The following SMTNL2 variants were observed in gnomAD, a reference collection of about 807,000 sequenced individuals.
SMTNL2 encodes smoothelin like 2, also known as smoothelin-like protein 2.
A neutral mutation model predicts 44.1 loss-of-function variants in SMTNL2; 43 were observed. The ratio of observed to expected loss-of-function variants is 0.98; its 90% CI spans 0.76 to 1.26. The LOEUF (loss-of-function observed/expected upper bound fraction) is 1.26, where lower values mean the gene tolerates loss of function less well. Among genes scored for constraint, SMTNL2 ranks in the 50% most tolerant of loss-of-function variants. SMTNL2 has a pLI of 0.00. For synonymous variants in SMTNL2, 317 were observed against 287.6 expected, an observed-to-expected ratio of 1.10 and a Z score of -1.03; for missense variants, 646 against 670.2, an observed-to-expected ratio of 0.96 and a Z score of 0.40.
chr17:4,593,726 G>C, intron 3 of SMTNL2, 96 bp from the exon 4 acceptor site: 1 of 1,245,222 alleles, frequency 8.0e-7, no homozygotes, highest in Non-Finnish European at 1.2e-6. Context: ...CAGCGATGCC[G>C]GGTAAATGAG....
In SMTNL2 at chr17:4,607,632, T is replaced by C; in HGVS notation, c.*145T>C. ...CTGTGGCATGTGACGGCACTCCCCTTCGAGCCCAGCTGTGTTACTGATTAA... is the reference window on the plus strand; with the variant it reads ...CTGTGGCATGTGACGGCACTCCCCTCCGAGCCCAGCTGTGTTACTGATTAA... On this transcript the variant is annotated 3_prime_UTR_variant, in exon 8 of 8. Coordinates refer to ENST00000389313, the MANE Select transcript of SMTNL2 (RefSeq NM_001114974.2). The surrounding 1 kb of genome is among the most constrained non-coding windows in gnomAD (Gnocchi z 4.7). 7.7e-7 allele frequency: 1 copy of C among 1,297,904 alleles called. No individual in the cohort carries two copies. The highest frequency in any genetic ancestry group is 1.1e-6 in the Non-Finnish European group (1 of 951,042). The allele number at this position is 1,297,904 out of a possible 1,614,324, so 80.4% of individuals were successfully genotyped here.
chr17:4,604,091 C>A (rs1268774833), intron 7 of SMTNL2, among the ~76,000 whole-genome samples: 3 of 152,108 alleles, frequency 2.0e-5, no homozygotes, highest in Non-Finnish European at 4.4e-5. Flanking sequence ...ATGATCTGCC[C>A]ACCTCAGCCT....
intron 7 of SMTNL2, among the ~76,000 whole-genome samples, chr17:4,603,989 CAT>C: frequency 6.6e-6 from 1 of 151,688 alleles, no homozygotes; most frequent in Non-Finnish European, 1.5e-5. Context: ...GGACTGCAGG[CAT>C]ACGCCACCAC....
intron 7 of SMTNL2, among the ~76,000 whole-genome samples, chr17:4,597,548 C>T (rs939581050): frequency 6.6e-6 from 1 of 152,128 alleles, no homozygotes; most frequent in Non-Finnish European, 1.5e-5. Context: ...AGGGGGACTC[C>T]GTTCCTGGGG....
intron 1 of SMTNL2, among the ~76,000 whole-genome samples, chr17:4,589,779 G>A (rs962711007): frequency 2.0e-5 from 3 of 151,602 alleles, no homozygotes; most frequent in Non-Finnish European, 4.4e-5. Context: ...ATTTCTCTGG[G>A]ACCCCTCTGC....
chr17:4,587,153 G>C (rs563872534), intron 1 of SMTNL2, among the ~76,000 whole-genome samples: 1 of 152,306 alleles, frequency 6.6e-6, no homozygotes, highest in East Asian at 1.9e-4. Flanking sequence ...GTGAAGATGC[G>C]TCGGCCTGTT....
intron 1 of SMTNL2, among the ~76,000 whole-genome samples, chr17:4,590,168 C>T (rs1164547780): frequency 2.0e-5 from 3 of 151,728 alleles, no homozygotes; most frequent in Non-Finnish European, 2.9e-5. Context: ...GGTTTCACCA[C>T]GTTGGCCAGG....
In SMTNL2 at chr17:4,607,497, G is replaced by A; in HGVS notation, c.*10G>A. ...GCGTCGCTTCGAGTAAAGCCCCTGA[G>A]CCTGGATTGCCAAAGAGCAGCCCCA... is the stretch of plus-strand genomic sequence containing the variant. On this transcript the variant is annotated 3_prime_UTR_variant, in exon 8 of 8. Coordinates refer to ENST00000389313, the MANE Select transcript of SMTNL2 (RefSeq NM_001114974.2). This position sits in a 1 kb window ranked among gnomAD's most constrained non-coding sequence, Gnocchi z 4.7. 6.2e-7 allele frequency: 1 copy of A among 1,613,372 alleles called. No homozygotes were observed. Among genetic ancestry groups the A allele is most frequent in the Non-Finnish European group, 8.5e-7 (1 of 1,179,406 alleles).
chr17:4,584,600 T>C lies in SMTNL2; in HGVS notation c.-6T>C. The C allele has an allele frequency of 8.1e-7, 1 of 1,233,934 alleles. No individual in the cohort carries two copies. The highest frequency in any genetic ancestry group is 3.5e-5 in the South Asian group (1 of 28,350). 76.4% of individuals were successfully genotyped at this position (1,233,934 alleles called of 1,614,324 possible). ...CCCGCTCTCGACCCGCGCGCTCTGC[T>C]GGGCCATGGAGCCGGCCCCCGACGC... On this transcript the variant is annotated 5_prime_UTR_variant, in exon 1 of 8. Transcript: ENST00000389313.
chr17:4,601,377 T>C (rs78490702), intron 7 of SMTNL2, among the ~76,000 whole-genome samples: 3,868 of 151,086 alleles, frequency 0.026, 153 homozygotes, highest in African/African-American at 0.089. Flanking sequence ...ATGGTGCCAC[T>C]GCACTCCAGC....
At chr17:4,605,452 T>A (rs1910232541) in intron 7 of SMTNL2, among the ~76,000 whole-genome samples, 1 of 152,120 alleles carries the variant, frequency 6.6e-6, no homozygotes, top group African/African-American at 2.4e-5. Context: ...TGAGCCACTG[T>A]GCCCGGCCTC....
intron 7 of SMTNL2, 48 bp downstream of exon 7, chr17:4,597,371 A>G: frequency 1.3e-6 from 2 of 1,595,782 alleles, no homozygotes; most frequent in Non-Finnish European, 1.7e-6. Flanking sequence ...CCAGTCCCTG[A>G]GCCCAACTTC....
At chr17:4,599,877 G>A (rs1386878223) in intron 7 of SMTNL2, among the ~76,000 whole-genome samples, 1 of 152,228 alleles carries the variant, frequency 6.6e-6, no homozygotes, top group Admixed American at 6.5e-5. Flanking sequence ...CTGCCTTCCC[G>A]GAGCACACAG....
intron 7 of SMTNL2, among the ~76,000 whole-genome samples, chr17:4,599,687 C>T (rs1317313255): frequency 1.3e-5 from 2 of 152,224 alleles, no homozygotes; most frequent in East Asian, 3.9e-4. Context: ...GCCCCATGCC[C>T]CAGCCTGCAG....
Position 4,607,422 on chromosome 17 carries a change from C to G in SMTNL2, c.1321C>G (p.Pro441Ala). 6.2e-7 allele frequency: 1 copy of G among 1,614,218 alleles called. No individual in the cohort carries two copies. The highest frequency in any genetic ancestry group is 8.5e-7 in the Non-Finnish European group (1 of 1,180,044). The change falls in exon 8 of 8, where the codon CCG (proline) becomes GCG (alanine). Residue 441 changes from proline to alanine, a missense_variant. Physicochemically the swap from Pro to Ala is conservative, Grantham distance 27. Coordinates refer to ENST00000389313, the MANE Select transcript of SMTNL2 (RefSeq NM_001114974.2). The surrounding 1 kb of genome is among the most constrained non-coding windows in gnomAD (Gnocchi z 4.7). Reference protein sequence around the residue: ...VEDMMVMGRKPDPMCVFTYVQ... With the variant: ...VEDMMVMGRKADPMCVFTYVQ... ...GGACATGATGGTGATGGGCCGCAAG[C>G]CGGACCCCATGTGTGTCTTCACCTA...
upstream of SMTNL2, chr17:4,584,444 G>T (rs566511428): frequency 5.7e-5 from 41 of 714,262 alleles, no homozygotes; most frequent in Non-Finnish European, 7.1e-5. Flanking sequence ...GGGTGTCCCG[G>T]AGTCGTCCCC....
At position 4,593,556 on chromosome 17, in the gene SMTNL2, G is replaced by A. The variant is rs796687694; in HGVS notation, c.731-266G>A. On this transcript the variant is annotated intron_variant, in intron 3 of 7. Coordinates refer to ENST00000389313, the MANE Select transcript of SMTNL2 (RefSeq NM_001114974.2). The stretch of plus-strand genomic sequence containing the variant: ...GGAGGGTTTGGGAGCAGTGTTCACT[G>A]GATACATGGCACGGGCCCTGGGCTC... Among the ~76,000 whole-genome samples, 58 of 152,360 alleles carry A rather than the reference G, an allele frequency of 3.8e-4. 1 individual carries two copies. The highest frequency in any genetic ancestry group is 1.4e-3 in the African/African-American group (57 of 41,586).
At chr17:4,593,585 G>A (rs1363000618) in intron 3 of SMTNL2, among the ~76,000 whole-genome samples, 1 of 152,230 alleles carries the variant, frequency 6.6e-6, no homozygotes, top group Admixed American at 6.5e-5. Context: ...TGGGCTCTGT[G>A]CTCTCAAGAG....
chr17:4,596,713 C>G, intron 5 of SMTNL2, 147 bp from the exon 6 acceptor site: 1 of 610,742 alleles, frequency 1.6e-6, no homozygotes, highest in Non-Finnish European at 2.6e-6. Flanking sequence ...GCTGAGCCCA[C>G]GTGTGCCACC....
Sources: allele counts gnomAD v4.1 joint callset (sites outside exome capture counted in the v4.1 genomes callset), GRCh38; gene constraint gnomAD v4.1.1; non-coding constraint Gnocchi (gnomAD v3.1); transcripts MANE v1.5; gene names NCBI Gene and HGNC (gene_info 2026-07-23, HGNC 2026-07-21).